Variants in KIF16B observed in about 807,000 individuals in gnomAD.
KIF16B encodes the protein kinesin-like protein KIF16B.
Under a neutral mutation model 156.3 loss-of-function variants are expected in KIF16B, and 98 were observed. The observed-to-expected ratio is 0.63, with a 90% CI of 0.53 to 0.74. KIF16B has a LOEUF of 0.74. Among genes scored for constraint, KIF16B ranks in the 30% least tolerant of loss-of-function variants. The probability of loss-of-function intolerance (pLI) is 0.00; values close to 1 mark genes in which losing one functional copy is unlikely to be tolerated. For synonymous variants in KIF16B, 564 were observed against 583.7 expected, an observed-to-expected ratio of 0.97 and a Z score of 0.49; for missense variants, 1,421 against 1,606.5, an observed-to-expected ratio of 0.88 and a Z score of 1.97.
chr20:16,424,795 G>T (rs1360702731), intron 15 of KIF16B, among the ~76,000 whole-genome samples: 3 of 152,020 alleles, frequency 2.0e-5, no homozygotes, highest in Non-Finnish European at 2.9e-5. Flanking sequence ...GTGTGAGGAG[G>T]GGGCAGGAAT....
At chr20:16,443,069 A>G (rs146755488) in intron 12 of KIF16B, among the ~76,000 whole-genome samples, 2 of 152,290 alleles carry the variant, frequency 1.3e-5, no homozygotes, top group East Asian at 3.9e-4. Flanking sequence ...TTGAGTGCCA[A>G]TGTGATGATC....
intron 15 of KIF16B, among the ~76,000 whole-genome samples, chr20:16,421,651 A>G (rs913931835): frequency 6.6e-6 from 1 of 152,190 alleles, no homozygotes; most frequent in Non-Finnish European, 1.5e-5. Flanking sequence ...ATGTGTAATT[A>G]AAAGAAAAGT....
intron 25 of KIF16B, among the ~76,000 whole-genome samples, chr20:16,307,419 T>C (rs2063556924): frequency 6.6e-6 from 1 of 152,184 alleles, no homozygotes; most frequent in Admixed American, 6.5e-5. Flanking sequence ...GTGTGAAGTA[T>C]AATGGGAGAT....
intron 25 of KIF16B, among the ~76,000 whole-genome samples, chr20:16,297,539 G>A (rs2063407571): frequency 1.3e-5 from 2 of 151,620 alleles, no homozygotes; most frequent in East Asian, 2.0e-4. Context: ...TACTAAAAAT[G>A]CAAAAAATTA....
At chr20:16,452,068 G>A (rs1472034406) in intron 12 of KIF16B, among the ~76,000 whole-genome samples, 4 of 152,156 alleles carry the variant, frequency 2.6e-5, no homozygotes, top group Admixed American at 2.6e-4. Flanking sequence ...GGGTGGGTCT[G>A]TAAGTAGCAG....
chr20:16,504,608 G>A, intron 9 of KIF16B, 61 bp from the exon 10 acceptor site: 1 of 1,489,988 alleles, frequency 6.7e-7, no homozygotes, highest in Non-Finnish European at 9.3e-7. Context: ...TTAACACAAA[G>A]TTGGTTTGTA....
chr20:16,275,009 A>G (rs1478266520), intron 25 of KIF16B, among the ~76,000 whole-genome samples: 1 of 151,708 alleles, frequency 6.6e-6, no homozygotes, highest in Admixed American at 6.6e-5. Flanking sequence ...CTAACATCCA[A>G]TGTTTTACAC....
rs1323701527 is a variant in KIF16B at position 16,506,118 on chromosome 20, G to A, written c.772C>T (p.Arg258Cys). ...CCGGTGGCTCCGGTGGCATCTGCAC[G>A]CTCACTTCCGGCAAGATCAACCAAG... The part of the protein sequence containing the change: ...IHLVDLAGSE[R>C]ADATGATGVR... Residue 258 changes from arginine to cysteine, a missense_variant, in exon 8 of 26, where the codon CGT (arginine) becomes TGT (cysteine). Arg to Cys is a radical substitution (Grantham distance 180). Transcript: ENST00000354981. 9.3e-6 allele frequency: 15 copies of A among 1,613,880 alleles called. No individual in the cohort carries two copies. Among genetic ancestry groups the A allele is most frequent in the Admixed American group, 5.0e-5 (3 of 59,990 alleles).
At chr20:16,492,763 T>C (rs1422680389) in intron 12 of KIF16B, among the ~76,000 whole-genome samples, 1 of 152,190 alleles carries the variant, frequency 6.6e-6, no homozygotes, top group Non-Finnish European at 1.5e-5. Context: ...CATTGCCTCC[T>C]GTGCTAATGG....
At chr20:16,358,185 T>C (rs756896166) in intron 22 of KIF16B, among the ~76,000 whole-genome samples, 14 of 151,918 alleles carry the variant, frequency 9.2e-5, no homozygotes, top group Non-Finnish European at 1.5e-4. Flanking sequence ...CGAGACTCCA[T>C]CTCAAAGGAA....
At chr20:16,505,993 G>C in intron 8 of KIF16B, 29 bp downstream of exon 8, 1 of 1,612,814 alleles carries the variant, frequency 6.2e-7, no homozygotes, top group East Asian at 2.2e-5. Context: ...GGAGGAAACA[G>C]AGGAGGCAGG....
rs760352866 is a variant in KIF16B, at chr20:16,506,011, C to T, written c.868+11G>A. 1.4e-5 allele frequency: 22 copies of T among 1,613,770 alleles called. No individual in the cohort carries two copies. The highest frequency in any genetic ancestry group is 6.7e-5 in the African/African-American group (5 of 74,902). On this transcript the variant is annotated intron_variant, in intron 8 of 25. Coordinates refer to ENST00000354981, the MANE Select transcript of KIF16B (RefSeq NM_024704.5). ...GGAAACAGAGGAGGCAGGAGCCAGG[C>T]GTAAGCATACCTAAGGCAGAAATGA...
At chr20:16,344,805 T>A (rs951381946) in intron 23 of KIF16B, among the ~76,000 whole-genome samples, 1 of 152,232 alleles carries the variant, frequency 6.6e-6, no homozygotes, top group African/African-American at 2.4e-5. Context: ...TCCATCCTTA[T>A]AATGAACTCG....
At chr20:16,504,177 C>T (rs1191724246) in intron 10 of KIF16B, among the ~76,000 whole-genome samples, 195 bp downstream of exon 10, 3 of 152,116 alleles carry the variant, frequency 2.0e-5, no homozygotes, top group Non-Finnish European at 4.4e-5. Context: ...TAAAATCTTA[C>T]ACATGCAGCC....
chr20:16,297,894 G>T (rs2063414632), intron 25 of KIF16B, among the ~76,000 whole-genome samples: 1 of 152,090 alleles, frequency 6.6e-6, no homozygotes. Flanking sequence ...CTCCCTGGAA[G>T]ATGGGAATAC....
chr20:16,466,726 T>C (rs1352676392), intron 12 of KIF16B, among the ~76,000 whole-genome samples: 1 of 152,136 alleles, frequency 6.6e-6, no homozygotes, highest in Non-Finnish European at 1.5e-5. Context: ...AACACTCTAA[T>C]ACAGGTGGAC....
At chr20:16,337,647 C>T (rs1262207359) in intron 23 of KIF16B, among the ~76,000 whole-genome samples, 1 of 152,160 alleles carries the variant, frequency 6.6e-6, no homozygotes, top group Non-Finnish European at 1.5e-5. Context: ...GCTTGGGAAA[C>T]CCTGCTCCTG....
intron 1 of KIF16B, among the ~76,000 whole-genome samples, chr20:16,570,274 T>G (rs776139725): frequency 7.9e-5 from 12 of 152,168 alleles, no homozygotes; most frequent in Non-Finnish European, 8.8e-5. Flanking sequence ...AATTAGAAAT[T>G]AGAAAAAGTA....
intron 12 of KIF16B, among the ~76,000 whole-genome samples, chr20:16,434,464 T>C (rs1320394497): frequency 5.3e-5 from 8 of 151,608 alleles, no homozygotes; most frequent in Admixed American, 5.3e-4. Context: ...CTTGAATAGA[T>C]AACCGAAAAT....
Sources: allele counts gnomAD v4.1 joint callset (sites outside exome capture counted in the v4.1 genomes callset), GRCh38; gene constraint gnomAD v4.1.1; transcripts MANE v1.5; gene names NCBI Gene and HGNC (gene_info 2026-07-23, HGNC 2026-07-21).